Variants in FXR1 observed in about 807,000 individuals in gnomAD.
FXR1 encodes RNA-binding protein FXR1.
A neutral mutation model predicts 84.0 loss-of-function variants in FXR1; 15 were observed. The ratio of observed to expected loss-of-function variants is 0.18; its 90% CI spans 0.12 to 0.27. The LOEUF is 0.27. Among genes scored for constraint, FXR1 ranks in the 10% least tolerant of loss-of-function variants. The probability of loss-of-function intolerance (pLI) is 1.00; values close to 1 mark genes in which losing one functional copy is unlikely to be tolerated. For missense variants in FXR1, 480 were observed against 774.4 expected, an observed-to-expected ratio of 0.62 and a Z score of 4.51; for synonymous variants, 245 against 250.7, an observed-to-expected ratio of 0.98 and a Z score of 0.21.
chr3:180,927,713 A>T, intron 1 of FXR1: 1 of 465,474 alleles, frequency 2.1e-6, no homozygotes, highest in South Asian at 4.2e-5. Flanking sequence ...TCTACAAGAC[A>T]CAAACTGAAG....
rs1720887779 is a variant in FXR1, at chr3:180,939,436, T to G, written c.198+4205T>G. 3.9e-5 allele frequency among the ~76,000 whole-genome samples: 6 copies of G among 152,200 alleles called. No individual in the cohort carries two copies. The South Asian group carries it at 1.0e-3, about 26-fold the overall frequency. ...TTAGAGATGGTCAGGCTCGATTGTTTACTGGTTTATTATAAAGGATACAAG... is the reference window on the plus strand; with the variant it reads ...TTAGAGATGGTCAGGCTCGATTGTTGACTGGTTTATTATAAAGGATACAAG... On this transcript the variant is annotated intron_variant, in intron 3 of 16. Transcript: ENST00000357559.
chr3:180,930,284 G>T (rs991719082), intron 1 of FXR1, among the ~76,000 whole-genome samples: 1 of 151,784 alleles, frequency 6.6e-6, no homozygotes, highest in Admixed American at 6.6e-5. Flanking sequence ...GAAAGTAGTT[G>T]TACAGAGCTG....
intron 15 of FXR1, among the ~76,000 whole-genome samples, chr3:180,974,845 A>C (rs958787008): frequency 2.6e-5 from 4 of 151,912 alleles, no homozygotes; most frequent in Non-Finnish European, 4.4e-5. Context: ...TTAAAAAAAA[A>C]CACACACACA....
chr3:180,968,862 G>GT (rs1280251290), intron 14 of FXR1, among the ~76,000 whole-genome samples: 4 of 152,132 alleles, frequency 2.6e-5, no homozygotes, highest in African/African-American at 9.7e-5. Flanking sequence ...AGTTGTAGGA[G>GT]TTTCCAGAAT....
chr3:180,930,905 TG>T (rs1488505495), intron 1 of FXR1, among the ~76,000 whole-genome samples: 2 of 151,156 alleles, frequency 1.3e-5, no homozygotes, highest in African/African-American at 2.4e-5. Context: ...GGTGTGGTGG[TG>T]TAGTCCCAGC....
chr3:180,949,809 A>G (rs970284985), intron 7 of FXR1, among the ~76,000 whole-genome samples: 1 of 152,260 alleles, frequency 6.6e-6, no homozygotes, highest in Admixed American at 6.5e-5. Flanking sequence ...TTTATCAAAC[A>G]TAGCCTTTCC....
At chr3:180,961,869 A>C (rs1322752488) in intron 11 of FXR1, among the ~76,000 whole-genome samples, 4 of 152,098 alleles carry the variant, frequency 2.6e-5, no homozygotes, top group Non-Finnish European at 5.9e-5. Context: ...CAGATCACTT[A>C]TGTATCTGCA....
intron 16 of FXR1, 46 bp from the exon 17 acceptor site, chr3:180,976,076 A>G: frequency 6.7e-7 from 1 of 1,493,178 alleles, no homozygotes; most frequent in African/African-American, 1.4e-5. Flanking sequence ...CCTCAGCTAT[A>G]GATTTCATTT....
At chr3:180,954,874 T>G (rs1281609465) in intron 9 of FXR1, among the ~76,000 whole-genome samples, 1 of 72,940 alleles carries the variant, frequency 1.4e-5, no homozygotes, top group Non-Finnish European at 2.4e-5. Context: ...CTAAAAAGAT[T>G]TTTTTTTTTT....
intron 1 of FXR1, among the ~76,000 whole-genome samples, chr3:180,917,802 C>T (rs1391686127): frequency 4.6e-5 from 7 of 151,818 alleles, no homozygotes; most frequent in Non-Finnish European, 8.8e-5. Flanking sequence ...CAAAAATTAG[C>T]CAGGTGTGGT....
chr3:180,925,320 A>G lies in FXR1; in HGVS notation c.52-8014A>G, dbSNP rs1257775917. Among the ~76,000 whole-genome samples the G allele has an allele frequency of 1.3e-5, 2 of 151,078 alleles. 1 individual carries two copies. The highest frequency in any genetic ancestry group is 4.9e-5 in the African/African-American group (2 of 41,070). ...GGTTACAGTGAGCTGATATCAGGCC[A>G]TTGCACTCCGGCCTGGGCAACAGAG... On this transcript the variant is annotated intron_variant, in intron 1 of 16. Coordinates refer to ENST00000357559, the MANE Select transcript of FXR1 (RefSeq NM_005087.4).
chr3:180,966,206 T>G (rs1712810926), intron 13 of FXR1, among the ~76,000 whole-genome samples: 1 of 152,162 alleles, frequency 6.6e-6, no homozygotes, highest in Non-Finnish European at 1.5e-5. Context: ...ATTAATTCCC[T>G]TCCCTGAGAT....
intron 15 of FXR1, among the ~76,000 whole-genome samples, chr3:180,972,631 T>C (rs946483912): frequency 3.9e-5 from 6 of 152,216 alleles, no homozygotes; most frequent in African/African-American, 1.4e-4. Context: ...TCAACAGGTA[T>C]AAAAGGAGTA....
rs549873389 is a variant in FXR1, at chr3:180,946,538, A to G, written c.199-1327A>G. ...TCATGAGATATTGATCCCTTTGAAT[A>G]GTTAGATCTGTTTATAAAAGAAATG... On this transcript the variant is annotated intron_variant, in intron 3 of 16. Transcript: ENST00000357559. Among the ~76,000 whole-genome samples, 4 of 152,236 alleles carry G rather than the reference A, an allele frequency of 2.6e-5. No individual in the cohort carries two copies. In the South Asian group the frequency reaches 8.3e-4, roughly 31 times the overall value.
chr3:180,962,906 A>G lies in FXR1; in HGVS notation c.1101A>G (p.Glu367=). ...YLKEVEQLRM[E]RLQIDEQLRQ... ...AGGAAGTAGAACAGCTAAGAATGGA[A>G]CGCCTACAGATTGATGAACAGCTGC... is the stretch of plus-strand genomic sequence containing the variant. The change falls in exon 12 of 17, where the codon GAA becomes GAG. Residue 367 remains glutamate (E), a synonymous_variant. Coordinates refer to ENST00000357559, the MANE Select transcript of FXR1 (RefSeq NM_005087.4). 1 of 1,611,698 alleles carries G rather than the reference A, an allele frequency of 6.2e-7. No homozygotes were observed. The highest frequency in any genetic ancestry group is 8.5e-7 in the Non-Finnish European group (1 of 1,177,892).
intron 1 of FXR1, among the ~76,000 whole-genome samples, chr3:180,920,039 T>A (rs1031528320): frequency 2.6e-5 from 4 of 152,228 alleles, no homozygotes; most frequent in African/African-American, 9.6e-5. Context: ...TTTTTTGCTG[T>A]CTATTTTGGG....
chr3:180,975,427 GTTT>G (rs34318725), intron 16 of FXR1, 23 bp downstream of exon 16: 59 of 692,492 alleles, frequency 8.5e-5, no homozygotes, highest in African/African-American at 2.3e-4. Context: ...TAACCTGTAG[GTTT>G]TTTTTTTTTT....
In FXR1 at chr3:180,963,101, A is replaced by ATTTTTTTT; in HGVS notation, c.1198+22_1198+29dup. ...ACACCTCCGGTTATGGTAAAAAAAA[A>ATTTTTTTT]TTTTTTTTTTTTTTTTTTGGTAATA... On this transcript the variant is annotated intron_variant, in intron 13 of 16. Coordinates refer to ENST00000357559, the MANE Select transcript of FXR1 (RefSeq NM_005087.4). 1.2e-6 allele frequency: 1 copy of ATTTTTTTT among 867,120 alleles called. No homozygotes were observed. Among genetic ancestry groups the ATTTTTTTT allele is most frequent in the South Asian group, 1.6e-5 (1 of 63,826 alleles). 53.7% of individuals were successfully genotyped at this position (867,120 alleles called of 1,614,324 possible). A position where few individuals can be genotyped will look rare whatever the true frequency, so the allele number is the denominator to read the frequency against.
chr3:180,955,440 A>G (rs1722656298), intron 9 of FXR1, among the ~76,000 whole-genome samples: 1 of 152,192 alleles, frequency 6.6e-6, no homozygotes, highest in Non-Finnish European at 1.5e-5. Flanking sequence ...TTAAAATTCA[A>G]TATAAACTTG....
Sources: allele counts gnomAD v4.1 joint callset (sites outside exome capture counted in the v4.1 genomes callset), GRCh38; gene constraint gnomAD v4.1.1; transcripts MANE v1.5; gene names NCBI Gene and HGNC (gene_info 2026-07-23, HGNC 2026-07-21).